Variants in PLCB3 observed in about 807,000 individuals in gnomAD.
The protein encoded by PLCB3 is phospholipase C beta 3, also known as 1-phosphatidylinositol 4,5-bisphosphate phosphodiesterase beta-3.
In PLCB3, 54 loss-of-function variants were observed where a neutral mutation model predicts 152.1. That is an observed-to-expected ratio of 0.36 (90% CI 0.29 to 0.45). The LOEUF (loss-of-function observed/expected upper bound fraction) is 0.45. Ranked by LOEUF, PLCB3 falls within the 20% of genes least tolerant of loss-of-function variation. The probability of loss-of-function intolerance (pLI) is 1.00; values close to 1 mark genes in which losing one functional copy is unlikely to be tolerated. For synonymous variants in PLCB3, 717 were observed against 698.7 expected, an observed-to-expected ratio of 1.03 and a Z score of -0.41; for missense variants, 1,248 against 1,687.5, an observed-to-expected ratio of 0.74 and a Z score of 4.56.
intron 20 of PLCB3, 42 bp downstream of exon 20, chr11:64,263,639 G>A (rs1190547546): frequency 2.5e-6 from 4 of 1,603,982 alleles, no homozygotes; most frequent in Admixed American, 3.3e-5. Flanking sequence ...CGGGCAGTGG[G>A]TAGGGCCCCC....
At chr11:64,259,373 C>T (rs28395876) in intron 13 of PLCB3, 129 bp downstream of exon 13, 69,419 of 776,486 alleles carry the variant, frequency 0.089, 3,508 homozygotes, top group Middle Eastern at 0.12. Flanking sequence ...TTCCCACAAC[C>T]GGCCTGTCTC....
rs369922076 is a variant in PLCB3 at position 64,258,442 on chromosome 11, C to T, written c.1013-31C>T. 41 of 1,602,924 alleles carry T rather than the reference C, an allele frequency of 2.6e-5. No homozygotes were observed. The highest frequency in any genetic ancestry group is 2.2e-4 in the Admixed American group (13 of 59,514). ...GGTGGTGAGGAGCTGGGCTGGTGGG[C>T]GGCCTCGGTGACAGAGCCTCGCCGC... On this transcript the variant is annotated intron_variant, in intron 10 of 30. Transcript: ENST00000279230. The surrounding 1 kb of genome is among the most constrained non-coding windows in gnomAD (Gnocchi z 7.2).
In PLCB3 at chr11:64,256,649, C is replaced by T. The variant is rs752264147; in HGVS notation, c.897C>T (p.Tyr299=). The T allele has an allele frequency of 6.2e-7, 1 of 1,614,212 alleles. No individual in the cohort carries two copies. Residue 299 remains tyrosine (Y), a synonymous_variant, in exon 10 of 31, where the codon TAC becomes TAT. Coordinates refer to ENST00000279230, the MANE Select transcript of PLCB3 (RefSeq NM_000932.5). ...TGTCCATGGAGGGCTTTAGCCGCTA[C>T]CTGGGAGGCGAGGAGAATGGCATCC... is the stretch of plus-strand genomic sequence containing the variant. ...DQMSMEGFSR[Y]LGGEENGILP...
In PLCB3 at chr11:64,255,615, G is replaced by A. The variant is rs1160771553; in HGVS notation, c.596G>A (p.Arg199Gln). ...ALESCGLKFN[R>Q]SESIRPDEFS... ...GAATCCTGTGGCCTCAAATTCAACC[G>A]GGTGTGTGGGGTGGGGACAGGGGCG... Residue 199 changes from arginine to glutamine, a missense_variant and splice_region_variant, in exon 7 of 31, where the codon CGG (arginine) becomes CAG (glutamine). By Grantham distance (43) the Arg-to-Gln change is conservative. Around this residue, in one of 6 missense-constraint regions of PLCB3, gnomAD observed 299 missense variants for 434.7 expected, o/e 0.69. Coordinates refer to ENST00000279230, the MANE Select transcript of PLCB3 (RefSeq NM_000932.5). This position sits in a 1 kb window ranked among gnomAD's most constrained non-coding sequence, Gnocchi z 6.8. The A allele has an allele frequency of 3.7e-6, 6 of 1,612,830 alleles. No individual in the cohort carries two copies. The highest frequency in any genetic ancestry group is 1.3e-5 in the African/African-American group (1 of 74,970).
At position 64,258,999 on chromosome 11, in the gene PLCB3, A is replaced by T. The variant is rs2031692643; in HGVS notation, c.1338+30A>T. 1 of 1,613,136 alleles carries T rather than the reference A, an allele frequency of 6.2e-7. No homozygotes were observed. Among genetic ancestry groups the T allele is most frequent in the Admixed American group, 1.7e-5 (1 of 59,966 alleles). On this transcript the variant is annotated intron_variant, in intron 12 of 30. Transcript: ENST00000279230. This position sits in a 1 kb window ranked among gnomAD's most constrained non-coding sequence, Gnocchi z 7.2. ...GGGAGCTCGGAGCGAGGGGGGTGGC[A>T]TGGGGGCCAGGGTGCTGCGGACCCG...
rs528682133 is a variant in PLCB3 at position 64,252,952 on chromosome 11, G to A, written c.99+1204G>A. 7.9e-5 allele frequency among the ~76,000 whole-genome samples: 12 copies of A among 152,290 alleles called. No individual in the cohort carries two copies. The East Asian group carries it at 1.2e-3, about 15-fold the overall frequency. On this transcript the variant is annotated intron_variant, in intron 1 of 30. Transcript: ENST00000279230. ...AGACTCCCCGCTCTGCACACCATTC[G>A]GGGGCCTCAGGCCCAGGGTAGGGTT... is the stretch of plus-strand genomic sequence containing the variant.
chr11:64,265,608 G>A, intron 25 of PLCB3, 106 bp downstream of exon 25: 1 of 1,463,304 alleles, frequency 6.8e-7, no homozygotes, highest in African/African-American at 1.4e-5. Context: ...TGACCCCCAG[G>A]GAGGAGGGTT....
Position 64,256,805 on chromosome 11 carries a change from G to A in PLCB3, c.1012+41G>A, listed in dbSNP as rs369205466. 21 of 1,601,458 alleles carry A rather than the reference G, an allele frequency of 1.3e-5. No individual in the cohort carries two copies. The Middle Eastern group carries it at 6.6e-4, about 51-fold the overall frequency. On this transcript the variant is annotated intron_variant, in intron 10 of 30. Coordinates refer to ENST00000279230, the MANE Select transcript of PLCB3 (RefSeq NM_000932.5). The stretch of plus-strand genomic sequence containing the variant: ...GGGTGGCACCCGTGACCTCTGCCCT[G>A]TGACCCTTGCACAGCCCCACTCCTC...
intron 19 of PLCB3, chr11:64,263,252 G>A (rs2031945379): frequency 5.3e-6 from 3 of 562,086 alleles, no homozygotes; most frequent in African/African-American, 1.9e-5. Context: ...ACTGTCTGTG[G>A]GGGCCCTGGA....
At chr11:64,252,884 C>A (rs1050839883) in intron 1 of PLCB3, among the ~76,000 whole-genome samples, 18 of 152,124 alleles carry the variant, frequency 1.2e-4, no homozygotes, top group African/African-American at 4.1e-4. Flanking sequence ...AGGTCCAGAC[C>A]CCTGGGGAGA....
In PLCB3 at chr11:64,259,138, C is replaced by T. The variant is rs576789650; in HGVS notation, c.1419C>T (p.Pro473=). 11 of 1,611,188 alleles carry T rather than the reference C, an allele frequency of 6.8e-6. No individual in the cohort carries two copies. Among genetic ancestry groups the T allele is most frequent in the Non-Finnish European group, 9.3e-6 (11 of 1,179,126 alleles). ...TGAAGAACAAGAAGCGGCACCGACCCAGCGCAGGTGGCCCAGACAGCGCCG... is the reference window on the plus strand; with the variant it reads ...TGAAGAACAAGAAGCGGCACCGACCTAGCGCAGGTGGCCCAGACAGCGCCG... ...ILVKNKKRHR[P]SAGGPDSAGR... Residue 473 remains proline (P), a synonymous_variant, in exon 13 of 31, where the codon CCC becomes CCT. Transcript: ENST00000279230.
rs760408690 is a variant in PLCB3, at chr11:64,265,319, C to A, written c.2852C>A (p.Pro951His). ...LIASILSEVA[P>H]TPLDELRGHK... ...GCTCTGCCGCTCCCAGAGGTGGCCCCCACCCCGCTGGATGAGCTCCGAGGT... is the reference window on the plus strand; with the variant it reads ...GCTCTGCCGCTCCCAGAGGTGGCCCACACCCCGCTGGATGAGCTCCGAGGT... The change falls in exon 25 of 31, where the codon CCC (proline) becomes CAC (histidine). Residue 951 changes from proline (P) to histidine (H), a missense_variant. This residue lies in a region of PLCB3 where 477 missense variants were observed against 489.6 expected (regional missense o/e 0.97). Transcript: ENST00000279230. 4.4e-6 allele frequency: 7 copies of A among 1,593,870 alleles called. No individual in the cohort carries two copies. Among genetic ancestry groups the A allele is most frequent in the Non-Finnish European group, 6.0e-6 (7 of 1,168,994 alleles).
At chr11:64,254,838 G>A (rs2031431474) in intron 3 of PLCB3, 22 bp downstream of exon 3, 3 of 1,613,928 alleles carry the variant, frequency 1.9e-6, no homozygotes, top group Non-Finnish European at 2.5e-6. Context: ...GCCTGGGAGT[G>A]AAGACCACAG....
chr11:64,258,466 G>C lies in PLCB3; in HGVS notation c.1013-7G>C. 1.9e-6 allele frequency: 3 copies of C among 1,610,688 alleles called. No individual in the cohort carries two copies. Among genetic ancestry groups the C allele is most frequent in the Non-Finnish European group, 2.5e-6 (3 of 1,178,534 alleles). On this transcript the variant is annotated splice_polypyrimidine_tract_variant and splice_region_variant and intron_variant, in intron 10 of 30. Transcript: ENST00000279230. The surrounding 1 kb of genome is among the most constrained non-coding windows in gnomAD (Gnocchi z 7.2). Reference sequence around the variant, plus strand: ...GCGGCCTCGGTGACAGAGCCTCGCCGCCCCAGCGGGGCAGCTGGCTGGGAC... The same window carrying C: ...GCGGCCTCGGTGACAGAGCCTCGCCCCCCCAGCGGGGCAGCTGGCTGGGAC...
Position 64,255,076 on chromosome 11 carries a change from T to C in PLCB3, c.387+38T>C. On this transcript the variant is annotated intron_variant, in intron 4 of 30. Coordinates refer to ENST00000279230, the MANE Select transcript of PLCB3 (RefSeq NM_000932.5). The surrounding 1 kb of genome is among the most constrained non-coding windows in gnomAD (Gnocchi z 6.8). ...CAAGGGGACGAAGGGGGAGTCACTG[T>C]CTTATTCTGTGAGTCGGCCGTCACT... 2 of 1,577,182 alleles carry C rather than the reference T, an allele frequency of 1.3e-6. No individual in the cohort carries two copies. Among genetic ancestry groups the C allele is most frequent in the Non-Finnish European group, 8.6e-7 (1 of 1,156,800 alleles).
rs111998921 is a variant in PLCB3, at chr11:64,255,215, G to A, written c.388-19G>A. The stretch of plus-strand genomic sequence containing the variant: ...TGTGTCCCCCACTCACCGCCTCCCC[G>A]TGTATACTGGCCCCCCAGGTCTGGT... On this transcript the variant is annotated intron_variant, in intron 4 of 30. Coordinates refer to ENST00000279230, the MANE Select transcript of PLCB3 (RefSeq NM_000932.5). The surrounding 1 kb of genome is among the most constrained non-coding windows in gnomAD (Gnocchi z 6.8). 9.8e-5 allele frequency: 158 copies of A among 1,604,796 alleles called. 4 individuals are homozygous for A. The highest frequency in any genetic ancestry group is 8.8e-4 in the African/African-American group (66 of 74,812).
chr11:64,258,940 C>T lies in PLCB3; in HGVS notation c.1309C>T (p.Leu437=). 1.2e-6 allele frequency: 2 copies of T among 1,613,930 alleles called. No individual in the cohort carries two copies. Among genetic ancestry groups the T allele is most frequent in the Non-Finnish European group, 1.7e-6 (2 of 1,179,988 alleles). Reference sequence around the variant, plus strand: ...CTGCCGCTCCATCTTTGGAGACGCGCTACTCATCGAGCCTCTGGACAAGTA... The same window carrying T: ...CTGCCGCTCCATCTTTGGAGACGCGTTACTCATCGAGCCTCTGGACAAGTA... ...EYCRSIFGDA[L]LIEPLDKYPL... The change falls in exon 12 of 31, where the codon CTA becomes TTA. Residue 437 remains leucine, a synonymous_variant. Transcript: ENST00000279230. This position sits in a 1 kb window ranked among gnomAD's most constrained non-coding sequence, Gnocchi z 7.2.
intron 24 of PLCB3, 41 bp from the exon 25 acceptor site, chr11:64,265,269 G>C (rs749187272): frequency 1.3e-6 from 2 of 1,580,286 alleles, no homozygotes; most frequent in African/African-American, 2.7e-5. Context: ...TGCCTTGCAG[G>C]TTCCCCCACC....
Position 64,255,272 on chromosome 11 carries a change from C to A in PLCB3, c.426C>A (p.Ile142=). 1 of 1,613,892 alleles carries A rather than the reference C, an allele frequency of 6.2e-7. No individual in the cohort carries two copies. Among genetic ancestry groups the A allele is most frequent in the Non-Finnish European group, 8.5e-7 (1 of 1,179,988 alleles). ...AGCTATTCAAGCTGGCTATGAACAT[C>A]CTGGCTCAGAACGCCTCCCGGAACA... ...SEELFKLAMN[I]LAQNASRNTF... is the part of the protein sequence containing the mutation. Residue 142 remains isoleucine, a synonymous_variant, in exon 5 of 31, where the codon ATC becomes ATA. Coordinates refer to ENST00000279230, the MANE Select transcript of PLCB3 (RefSeq NM_000932.5). This position sits in a 1 kb window ranked among gnomAD's most constrained non-coding sequence, Gnocchi z 6.8.
Sources: allele counts gnomAD v4.1 joint callset (sites outside exome capture counted in the v4.1 genomes callset), GRCh38; gene constraint gnomAD v4.1.1; regional missense constraint gnomAD v4.1.1; non-coding constraint Gnocchi (gnomAD v3.1); transcripts MANE v1.5; gene names NCBI Gene and HGNC (gene_info 2026-07-23, HGNC 2026-07-21).